TTLL11: variants seen among roughly 807,000 people sequenced by gnomAD.
TTLL11 encodes tubulin polyglutamylase TTLL11.
In TTLL11, 42 loss-of-function variants were observed where a neutral mutation model predicts 51.7. The observed-to-expected ratio is 0.81, with a 90% CI of 0.64 to 1.05. The LOEUF (loss-of-function observed/expected upper bound fraction) is 1.05. Among genes scored for constraint, TTLL11 ranks in the 50% least tolerant of loss-of-function variants. The pLI is 0.00. For missense variants in TTLL11, 799 were observed against 940.4 expected (o/e 0.85, Z 1.97); for synonymous variants, 381 against 383.5 (o/e 0.99, Z 0.08).
chr9:122,058,258 C>G (rs1012229795), intron 1 of TTLL11, among the ~76,000 whole-genome samples: 1 of 152,194 alleles, frequency 6.6e-6, no homozygotes, highest in African/African-American at 2.4e-5. Flanking sequence ...AGGCGTGAAA[C>G]AGATGCTAGA....
Position 121,989,026 on chromosome 9 carries a change from C to T in TTLL11, c.1269+169G>A, listed in dbSNP as rs1843014067. The T allele has an allele frequency of 6.7e-7, 1 of 1,487,750 alleles. No individual in the cohort carries two copies. The highest frequency in any genetic ancestry group is 8.9e-7 in the Non-Finnish European group (1 of 1,118,012). 92.2% of individuals were successfully genotyped at this position (1,487,750 alleles called of 1,614,324 possible). On this transcript the variant is annotated intron_variant, in intron 4 of 8. Coordinates refer to ENST00000321582, the MANE Select transcript of TTLL11 (RefSeq NM_001139442.2). This position sits in a 1 kb window ranked among gnomAD's most constrained non-coding sequence, Gnocchi z 4.2. ...TGCCCCAAATCACACAGGGAGCAAA[C>T]AGAAAGCTTGGAAGTTGGGCCCAGG...
chr9:121,826,557 G>GTGTGTGTATATATATATA (rs1189626793), intron 8 of TTLL11, among the ~76,000 whole-genome samples: 5 of 51,346 alleles, frequency 9.7e-5, no homozygotes, highest in African/African-American at 3.5e-4. Context: ...ATATGTGTGT[G>GTGTGTGTATATATATATA]TATATATATA....
At chr9:121,926,599 C>T (rs1477476314) in intron 6 of TTLL11, among the ~76,000 whole-genome samples, 1 of 152,154 alleles carries the variant, frequency 6.6e-6, no homozygotes, top group East Asian at 1.9e-4. Context: ...GCAGCTTGTG[C>T]CCAGTCTCGG....
intron 6 of TTLL11, among the ~76,000 whole-genome samples, chr9:121,929,989 A>G (rs1333716584): frequency 6.6e-6 from 1 of 152,262 alleles, no homozygotes; most frequent in Non-Finnish European, 1.5e-5. Flanking sequence ...AGTGGCTACA[A>G]TTAAATTTTG....
intron 1 of TTLL11, among the ~76,000 whole-genome samples, chr9:122,048,611 T>C (rs1173938181): frequency 6.6e-6 from 1 of 152,218 alleles, no homozygotes; most frequent in Non-Finnish European, 1.5e-5. Context: ...TCTGCCAACC[T>C]GCCCACCTCA....
intron 6 of TTLL11, among the ~76,000 whole-genome samples, chr9:121,883,010 G>A (rs1169785524): frequency 6.6e-6 from 1 of 152,168 alleles, no homozygotes; most frequent in Non-Finnish European, 1.5e-5. Context: ...ACATGATTGT[G>A]TAAGTAAAGT....
intron 1 of TTLL11, among the ~76,000 whole-genome samples, chr9:122,072,759 C>A (rs1845760514): frequency 6.6e-6 from 1 of 152,196 alleles, no homozygotes; most frequent in African/African-American, 2.4e-5. Flanking sequence ...TCCTCCAGAT[C>A]CAGCTCAGAG....
intron 1 of TTLL11, among the ~76,000 whole-genome samples, chr9:122,084,331 A>G (rs1257910709): frequency 6.6e-6 from 1 of 152,200 alleles, no homozygotes; most frequent in Non-Finnish European, 1.5e-5. Flanking sequence ...CTTATAAAGC[A>G]TTTATAAAAA....
intron 6 of TTLL11, among the ~76,000 whole-genome samples, chr9:121,925,472 C>T (rs1402840835): frequency 1.4e-5 from 2 of 142,598 alleles, no homozygotes; most frequent in African/African-American, 5.1e-5. Flanking sequence ...TTTCTGGACA[C>T]ATCAGGCCTG....
chr9:122,006,615 C>A (rs1006670374), intron 3 of TTLL11, among the ~76,000 whole-genome samples: 1 of 152,156 alleles, frequency 6.6e-6, no homozygotes, highest in African/African-American at 2.4e-5. Flanking sequence ...GTGGTAGCAT[C>A]TGACCACTTT....
chr9:121,828,173 CT>C (rs10708592), intron 8 of TTLL11, among the ~76,000 whole-genome samples: 34,156 of 137,142 alleles, frequency 0.25, 4,068 homozygotes, highest in East Asian at 0.43. Context: ...ACACATTGAA[CT>C]TTTTTTTTTT....
rs551552838 is a variant in TTLL11, at chr9:122,018,045, T to G, written c.693+13678A>C. Among the ~76,000 whole-genome samples the G allele has an allele frequency of 3.3e-5, 5 of 152,058 alleles. No homozygotes were observed. In the South Asian group the frequency reaches 1.0e-3, roughly 32 times the overall value. ...ACTTTTTACTTTCACATGCCTATAC[T>G]AATTGAATTTTTACTATCAATGCAT... On this transcript the variant is annotated intron_variant, in intron 3 of 8. Coordinates refer to ENST00000321582, the MANE Select transcript of TTLL11 (RefSeq NM_001139442.2).
At chr9:121,891,971 T>TATAAGATA (rs1839256186) in intron 6 of TTLL11, among the ~76,000 whole-genome samples, 1 of 144,946 alleles carries the variant, frequency 6.9e-6, no homozygotes, top group Non-Finnish European at 1.5e-5. Context: ...TATATATATC[T>TATAAGATA]TATATATCTC....
intron 6 of TTLL11, among the ~76,000 whole-genome samples, chr9:121,895,059 G>T (rs1178138486): frequency 6.6e-6 from 1 of 152,114 alleles, no homozygotes; most frequent in Non-Finnish European, 1.5e-5. Flanking sequence ...CACGTCCTAT[G>T]CTCGTTTAAA....
At chr9:121,951,332 T>C (rs1181744218) in intron 6 of TTLL11, among the ~76,000 whole-genome samples, 2 of 152,182 alleles carry the variant, frequency 1.3e-5, no homozygotes, top group Non-Finnish European at 2.9e-5. Context: ...AAGACATGCA[T>C]AACAAGCCAC....
intron 3 of TTLL11, among the ~76,000 whole-genome samples, chr9:122,015,898 G>C (rs765295850): frequency 6.6e-6 from 1 of 151,782 alleles, no homozygotes; most frequent in Non-Finnish European, 1.5e-5. Flanking sequence ...TTCCTACTGT[G>C]TGCCAGGCAC....
intron 1 of TTLL11, among the ~76,000 whole-genome samples, chr9:122,055,949 C>T (rs561376779): frequency 2.6e-5 from 4 of 152,242 alleles, no homozygotes; most frequent in African/African-American, 9.6e-5. Flanking sequence ...AGTTGCTGGT[C>T]CTGTGTGTGG....
In TTLL11 at chr9:121,822,430, T is replaced by TGAA; in HGVS notation, c.*154_*156dup. ...GGCAGGTGAGAACCAGCCAGCCTGG[T>TGAA]GAAGCACAGCTCAGCCGCACACAGA... On this transcript the variant is annotated 3_prime_UTR_variant, in exon 9 of 9. Coordinates refer to ENST00000321582, the MANE Select transcript of TTLL11 (RefSeq NM_001139442.2). The surrounding 1 kb of genome is among the most constrained non-coding windows in gnomAD (Gnocchi z 5.8). The TGAA allele has an allele frequency of 3.2e-6, 2 of 634,396 alleles. No homozygotes were observed. Among genetic ancestry groups the TGAA allele is most frequent in the African/African-American group, 1.9e-5 (1 of 52,780 alleles). The allele number at this position is 634,396 out of a possible 1,614,324, so 39.3% of individuals were successfully genotyped here. A position where few individuals can be genotyped will look rare whatever the true frequency, so the allele number is the denominator to read the frequency against.
rs190471274 is a variant in TTLL11 at position 121,870,613 on chromosome 9, G to T, written c.1617C>A (p.Tyr539Ter). The change falls in exon 7 of 9, where the codon TAC (tyrosine) becomes TAA (stop). Residue 539 changes from tyrosine to a stop codon, truncating the protein, a stop_gained. Transcript: ENST00000321582. LOFTEE classifies it high-confidence loss of function. ...SICLKQVFPK[Y>*]AKQFNYLRLV... ...GGCGCAGGTAGTTGAACTGTTTTGC[G>T]TACTTGGGGAACACCTGCTTGAGGC... The T allele has an allele frequency of 6.4e-7, 1 of 1,551,712 alleles. No homozygotes were observed. Among genetic ancestry groups the T allele is most frequent in the Non-Finnish European group, 8.7e-7 (1 of 1,146,994 alleles).
Sources: gnomAD v4.1 joint callset for allele counts (sites outside exome capture counted in the v4.1 genomes callset) on GRCh38, gnomAD v4.1.1 for gene constraint, Gnocchi (gnomAD v3.1) non-coding constraint, MANE v1.5 for transcripts, NCBI Gene and HGNC (gene_info 2026-07-23, HGNC 2026-07-21) for gene names.